BEND4: variants seen among roughly 807,000 people sequenced by gnomAD.
The protein encoded by BEND4 is BEN domain containing 4.
In BEND4, 27 loss-of-function variants were observed where a neutral mutation model predicts 54.7. The observed-to-expected ratio is 0.49, with a 90% confidence interval of 0.36 to 0.68. The LOEUF (loss-of-function observed/expected upper bound fraction) is 0.68, where lower values mean the gene tolerates loss of function less well. Among genes scored for constraint, BEND4 ranks in the 30% least tolerant of loss-of-function variants. The pLI is 0.00. For synonymous variants in BEND4, 327 were observed against 299.5 expected (o/e 1.09, Z -0.95); for missense variants, 702 against 697.2 (o/e 1.01, Z -0.08).
chr4:42,146,898 T>C (rs1239286807), intron 2 of BEND4, among the ~76,000 whole-genome samples: 1 of 152,182 alleles, frequency 6.6e-6, no homozygotes, highest in Non-Finnish European at 1.5e-5. Context: ...ATCACATTGA[T>C]AAATCACATT....
chr4:42,143,499 T>C lies in BEND4; in HGVS notation c.983A>G (p.Glu328Gly). 1 of 1,552,540 alleles carries C rather than the reference T, an allele frequency of 6.4e-7. No individual in the cohort carries two copies. The highest frequency in any genetic ancestry group is 8.7e-7 in the Non-Finnish European group (1 of 1,147,272). ...DEEGYCPRCQ[E>G]LEQEVISLQQ... Reference sequence around the variant, plus strand: ...CAGTGAAATAACCTCCTGCTCCAGCTCTTGGCATCGAGGACAATAGCCTTC... The same window carrying C: ...CAGTGAAATAACCTCCTGCTCCAGCCCTTGGCATCGAGGACAATAGCCTTC... Residue 328 changes from glutamate to glycine, a missense_variant, in exon 3 of 6, where the codon GAG (glutamate) becomes GGG (glycine). Glu to Gly is a moderately conservative substitution (Grantham distance 98). Transcript: ENST00000502486.
chr4:42,137,042 G>T lies in BEND4; in HGVS notation c.1054+6386C>A, dbSNP rs532883714. Among the ~76,000 whole-genome samples the T allele has an allele frequency of 2.0e-5, 3 of 152,224 alleles. No individual in the cohort carries two copies. In the South Asian group the frequency reaches 6.2e-4, roughly 32 times the overall value. On this transcript the variant is annotated intron_variant, in intron 3 of 5. Transcript: ENST00000502486. ...AGAACATAACGATGGTGAATAATGA[G>T]AATCAGCTGTTTTGAGGGTGGCGAG...
At chr4:42,139,450 TC>T (rs1364619992) in intron 3 of BEND4, among the ~76,000 whole-genome samples, 1 of 151,804 alleles carries the variant, frequency 6.6e-6, no homozygotes, top group Non-Finnish European at 1.5e-5. Flanking sequence ...GCCCACAACT[TC>T]TTTTTTTTTT....
At chr4:42,124,202 AG>A (rs1011504417) in intron 4 of BEND4, among the ~76,000 whole-genome samples, 1 of 152,106 alleles carries the variant, frequency 6.6e-6, no homozygotes, top group Admixed American at 6.6e-5. Context: ...AAAAACTAAA[AG>A]TTAGCTGGGC....
intron 2 of BEND4, among the ~76,000 whole-genome samples, chr4:42,147,770 A>G (rs1317850148): frequency 2.0e-5 from 3 of 152,148 alleles, no homozygotes; most frequent in Non-Finnish European, 4.4e-5. Context: ...TAAAAAATTC[A>G]TTTTGGGAAA....
chr4:42,147,339 A>G (rs1402081636), intron 2 of BEND4, among the ~76,000 whole-genome samples: 2 of 152,196 alleles, frequency 1.3e-5, no homozygotes, highest in African/African-American at 4.8e-5. Context: ...TCTAGACAGA[A>G]TATAATTATA....
chr4:42,142,663 G>T (rs997628155), intron 3 of BEND4, among the ~76,000 whole-genome samples: 1 of 144,066 alleles, frequency 6.9e-6, no homozygotes, highest in Middle Eastern at 3.6e-3. Context: ...AGTAAAATCA[G>T]TACCTTACCA....
intron 3 of BEND4, among the ~76,000 whole-genome samples, chr4:42,129,214 C>G (rs1442220755): frequency 1.3e-5 from 2 of 152,136 alleles, no homozygotes; most frequent in Non-Finnish European, 2.9e-5. Flanking sequence ...AAACAACTAA[C>G]AAGGGAAGTG....
At position 42,113,919 on chromosome 4, in the gene BEND4, G is replaced by GT. The variant is rs1719686931; in HGVS notation, c.*3598dup. The stretch of plus-strand genomic sequence containing the variant: ...AGTGAAGCTTAATGAAACATAAATG[G>GT]TAACGGTCACCTAAATGCTGTGGTG... On this transcript the variant is annotated 3_prime_UTR_variant, in exon 6 of 6. Coordinates refer to ENST00000502486, the MANE Select transcript of BEND4 (RefSeq NM_207406.4). 6.6e-6 allele frequency: 1 copy of GT among 152,286 alleles called. No individual in the cohort carries two copies. The highest frequency in any genetic ancestry group is 2.4e-5 in the African/African-American group (1 of 41,556). 9.4% of individuals were successfully genotyped at this position (152,286 alleles called of 1,614,324 possible).
In BEND4 at chr4:42,115,801, T is replaced by A. The variant is rs554578200; in HGVS notation, c.*1717A>T. ...CATATCATTTCTTTTACTTCCAAAT[T>A]TTAGCTAATTTGCCCCAAATAGAAT... On this transcript the variant is annotated 3_prime_UTR_variant, in exon 6 of 6. Transcript: ENST00000502486. 6.6e-6 allele frequency: 1 copy of A among 152,274 alleles called. No individual in the cohort carries two copies. Among genetic ancestry groups the A allele is most frequent in the South Asian group, 2.1e-4 (1 of 4,824 alleles). The allele number at this position is 152,274 out of a possible 1,614,324, so 9.4% of individuals were successfully genotyped here.
chr4:42,146,110 G>A (rs1721073503), intron 2 of BEND4, among the ~76,000 whole-genome samples: 1 of 152,116 alleles, frequency 6.6e-6, no homozygotes. Context: ...TCCTTCTCCA[G>A]CCAATCCTGT....
chr4:42,142,618 G>A (rs1412779334), intron 3 of BEND4, among the ~76,000 whole-genome samples: 1 of 141,568 alleles, frequency 7.1e-6, no homozygotes, highest in East Asian at 2.1e-4. Flanking sequence ...CAGTGACAGA[G>A]TGAGAGAGAC....
At chr4:42,138,561 G>C (rs577500829) in intron 3 of BEND4, among the ~76,000 whole-genome samples, 6 of 152,128 alleles carry the variant, frequency 3.9e-5, no homozygotes, top group Admixed American at 3.9e-4. Context: ...TAAGGCTATC[G>C]AACAGATTGT....
intron 4 of BEND4, among the ~76,000 whole-genome samples, chr4:42,120,944 G>A (rs989351047): frequency 3.9e-5 from 6 of 152,022 alleles, no homozygotes; most frequent in Non-Finnish European, 7.4e-5. Flanking sequence ...CATAATTTAC[G>A]TCTGCTATAA....
intron 3 of BEND4, among the ~76,000 whole-genome samples, chr4:42,130,220 C>T (rs1720454996): frequency 6.6e-6 from 1 of 152,170 alleles, no homozygotes; most frequent in Admixed American, 6.5e-5. Context: ...GTGGTTCACG[C>T]CTGTAATCCC....
At chr4:42,137,215 T>G (rs1189702117) in intron 3 of BEND4, among the ~76,000 whole-genome samples, 1 of 152,060 alleles carries the variant, frequency 6.6e-6, no homozygotes, top group Non-Finnish European at 1.5e-5. Flanking sequence ...GAGGATAAAA[T>G]GAGATAATAA....
At position 42,132,376 on chromosome 4, in the gene BEND4, C is replaced by G. The variant is rs1247979254; in HGVS notation, c.1055-6702G>C. Among the ~76,000 whole-genome samples, 4 of 152,296 alleles carry G rather than the reference C, an allele frequency of 2.6e-5. No homozygotes were observed. In the East Asian group the frequency reaches 7.7e-4, roughly 29 times the overall value. ...AGGTCAGGGGATCGTTGAGGAGCTG[C>G]TGATGCCCCCAGAGGCCTTCACAGC... On this transcript the variant is annotated intron_variant, in intron 3 of 5. Coordinates refer to ENST00000502486, the MANE Select transcript of BEND4 (RefSeq NM_207406.4).
chr4:42,140,897 T>A (rs966863217), intron 3 of BEND4, among the ~76,000 whole-genome samples: 16 of 152,182 alleles, frequency 1.1e-4, no homozygotes, highest in African/African-American at 3.6e-4. Flanking sequence ...TCTCTGTAGC[T>A]GGATGATCTC....
In BEND4 at chr4:42,116,674, T is replaced by A. The variant is rs1412959261; in HGVS notation, c.*844A>T. 1 of 152,224 alleles carries A rather than the reference T, an allele frequency of 6.6e-6. No homozygotes were observed. Among genetic ancestry groups the A allele is most frequent in the East Asian group, 1.9e-4 (1 of 5,202 alleles). The allele number at this position is 152,224 out of a possible 1,614,324, so 9.4% of individuals were successfully genotyped here. On this transcript the variant is annotated 3_prime_UTR_variant, in exon 6 of 6. Transcript: ENST00000502486. ...ACCATCAGTCACACCACTTGTTTGG[T>A]CTTCAGTGCACCAAACAACTAATTG...
Sources: allele counts gnomAD v4.1 joint callset (sites outside exome capture counted in the v4.1 genomes callset), GRCh38; gene constraint gnomAD v4.1.1; transcripts MANE v1.5; gene names NCBI Gene and HGNC (gene_info 2026-07-23, HGNC 2026-07-21).